Variants in GPR143 observed in about 807,000 individuals in gnomAD.
GPR143 encodes G-protein coupled receptor 143.
GPR143 carries 8 observed loss-of-function variants against 27.6 expected under a neutral mutation model. The ratio of observed to expected loss-of-function variants is 0.29; its 90% confidence interval spans 0.17 to 0.52. The LOEUF (loss-of-function observed/expected upper bound fraction) is 0.52, where lower values mean the gene tolerates loss of function less well. Ranked by LOEUF, GPR143 falls within the 20% of genes least tolerant of loss-of-function variation. The pLI is 0.96. For synonymous variants in GPR143, 156 were observed against 153.2 expected (o/e 1.02, Z -0.13); for missense variants, 303 against 343.1 (o/e 0.88, Z 0.92).
chrX:9,773,095 GGTGTTTTACATGTAAATTCACATCGC>G (rs2083559910), intron 1 of GPR143, among the ~76,000 whole-genome samples: 1 of 111,315 alleles, frequency 9.0e-6, no homozygotes, highest in Admixed American at 9.7e-5. Flanking sequence ...CATCAAGTAC[GGTGTTTTACATGTAAATTCACATCGC>G]GTGCTTTTTC....
intron 1 of GPR143, among the ~76,000 whole-genome samples, chrX:9,764,503 C>T (rs1170009039): frequency 3.8e-5 from 1 of 26,497 alleles, no homozygotes; most frequent in African/African-American, 1.8e-4. Flanking sequence ...TTTACACACG[C>T]GCACACACAC....
At chrX:9,764,431 T>C (rs1375793404) in intron 1 of GPR143, among the ~76,000 whole-genome samples, 2 of 109,664 alleles carry the variant, frequency 1.8e-5, no homozygotes, top group East Asian at 2.9e-4. Flanking sequence ...AAAGCCTGGA[T>C]AGGGAAGGGA....
At chrX:9,726,100 G>GTTGA (rs1252177495) in intron 8 of GPR143, 14 of 439,160 alleles carry the variant, frequency 3.2e-5, no homozygotes, top group Non-Finnish European at 3.4e-5. Context: ...ATCTAGGCCA[G>GTTGA]TTGATTGATA....
chrX:9,750,745 T>C (rs1480120810), intron 3 of GPR143, among the ~76,000 whole-genome samples: 1 of 111,630 alleles, frequency 9.0e-6, no homozygotes, highest in Non-Finnish European at 1.9e-5. Context: ...GTATTTTTAG[T>C]AGAGGCAGCA....
At chrX:9,748,970 CAT>C (rs2146691872) in intron 3 of GPR143, among the ~76,000 whole-genome samples, 1 of 112,446 alleles carries the variant, frequency 8.9e-6, no homozygotes, top group East Asian at 2.8e-4. Flanking sequence ...AAGGAGACCC[CAT>C]ATCCATTAAT....
intron 8 of GPR143, among the ~76,000 whole-genome samples, chrX:9,734,944 T>A (rs1177781228): frequency 9.0e-6 from 1 of 110,582 alleles, no homozygotes; most frequent in Non-Finnish European, 1.9e-5. Flanking sequence ...ATCTAGGGAG[T>A]CAAAAGCGGT....
chrX:9,767,871 G>C (rs2083541219), upstream of GPR143, among the ~76,000 whole-genome samples: 1 of 112,436 alleles, frequency 8.9e-6, no homozygotes, highest in South Asian at 3.7e-4. Context: ...GTAATGGAAA[G>C]TGCTTTAAAA....
Position 9,750,007 on chromosome X carries a change from C to A in GPR143, c.456-1341G>T, listed in dbSNP as rs929544514. Among the ~76,000 whole-genome samples, 3 of 112,536 alleles carry A rather than the reference C, an allele frequency of 2.7e-5. No individual in the cohort carries two copies. The South Asian group carries it at 1.1e-3, about 41-fold the overall frequency. ...TCTTGAACTCCTCAGTTCAAGTGATCCCCCTGCCTCGGCCTCCCAAAGTGC... is the reference window on the plus strand; with the variant it reads ...TCTTGAACTCCTCAGTTCAAGTGATACCCCTGCCTCGGCCTCCCAAAGTGC... On this transcript the variant is annotated intron_variant, in intron 3 of 8. Coordinates refer to ENST00000467482, the MANE Select transcript of GPR143 (RefSeq NM_000273.3).
chrX:9,759,533 G>T, intron 2 of GPR143, 107 bp from the exon 3 acceptor site: 3 of 553,292 alleles, frequency 5.4e-6, no homozygotes, highest in Non-Finnish European at 9.6e-6. Flanking sequence ...ACGTCAGGAA[G>T]CCGCACGTGA....
chrX:9,739,055 G>A (rs1601874564), intron 8 of GPR143, among the ~76,000 whole-genome samples: 1 of 112,335 alleles, frequency 8.9e-6, no homozygotes, highest in African/African-American at 3.2e-5. Flanking sequence ...AAAAGAAAAC[G>A]GAACTCCTTA....
chrX:9,746,235 A>G (rs2083428122), intron 4 of GPR143, 82 bp from the exon 5 acceptor site: 2 of 579,484 alleles, frequency 3.5e-6, no homozygotes, highest in African/African-American at 4.4e-5. Context: ...AGTCAAGATA[A>G]GAGGATGAGA....
At chrX:9,732,517 GA>G (rs1417413357) in intron 8 of GPR143, among the ~76,000 whole-genome samples, 4 of 111,439 alleles carry the variant, frequency 3.6e-5, no homozygotes, top group Non-Finnish European at 3.8e-5. Flanking sequence ...AGGGCAGAGA[GA>G]ATATGGTATA....
upstream of GPR143, among the ~76,000 whole-genome samples, chrX:9,767,988 C>T (rs182466338): frequency 2.7e-5 from 3 of 111,705 alleles, no homozygotes; most frequent in East Asian, 8.5e-4. Flanking sequence ...AGAAAACACA[C>T]TCCGCCTCTC....
chrX:9,747,357 C>T (rs1002738442), intron 4 of GPR143, among the ~76,000 whole-genome samples: 1 of 111,019 alleles, frequency 9.0e-6, no homozygotes, highest in Non-Finnish European at 1.9e-5. Context: ...TCCTAAAGAC[C>T]CTGGGAGCAC....
upstream of GPR143, among the ~76,000 whole-genome samples, chrX:9,767,368 GT>G (rs1300959043): frequency 9.1e-6 from 1 of 110,095 alleles, no homozygotes; most frequent in African/African-American, 3.3e-5. Flanking sequence ...CCCTCTCTGG[GT>G]TTTTTTCAAG....
intron 1 of GPR143, among the ~76,000 whole-genome samples, chrX:9,763,700 C>T (rs987192621): frequency 1.7e-4 from 19 of 111,616 alleles, no homozygotes; most frequent in Non-Finnish European, 3.2e-4. Flanking sequence ...ACTGCATTTA[C>T]GCATGGTGGA....
intron 1 of GPR143, among the ~76,000 whole-genome samples, chrX:9,777,022 A>G (rs778734660): frequency 1.8e-5 from 2 of 111,881 alleles, no homozygotes; most frequent in Non-Finnish European, 3.8e-5. Flanking sequence ...CAATTACCCA[A>G]CTCTGCCATA....
At chrX:9,759,936 C>T (rs773102488) in intron 2 of GPR143, among the ~76,000 whole-genome samples, 14 of 112,071 alleles carry the variant, frequency 1.2e-4, no homozygotes, top group Admixed American at 7.6e-4. Flanking sequence ...TCTGCTCCAG[C>T]ACAGGGCAAT....
In GPR143 at chrX:9,751,779, AC is replaced by A. The variant is rs772854370; in HGVS notation, c.456-3114del. Among the ~76,000 whole-genome samples, 135 of 113,051 alleles carry A rather than the reference AC, an allele frequency of 1.2e-3. 1 individual carries two copies. The highest frequency in any genetic ancestry group is 4.1e-3 in the African/African-American group (128 of 31,212). Reference sequence around the variant, plus strand: ...GGGCAAATATTACAGTATTTAAGTTACGTCTCAACTAAAAGAATCACAGAGT... The same window carrying A: ...GGGCAAATATTACAGTATTTAAGTTAGTCTCAACTAAAAGAATCACAGAGT... On this transcript the variant is annotated intron_variant, in intron 3 of 8. Coordinates refer to ENST00000467482, the MANE Select transcript of GPR143 (RefSeq NM_000273.3).
Sources: gnomAD v4.1 joint callset for allele counts (sites outside exome capture counted in the v4.1 genomes callset) on GRCh38, gnomAD v4.1.1 for gene constraint, MANE v1.5 for transcripts, NCBI Gene and HGNC (gene_info 2026-07-23, HGNC 2026-07-21) for gene names.